PML: variants seen among roughly 807,000 people sequenced by gnomAD.
The protein encoded by PML is PML nuclear body scaffold.
PML carries 28 observed loss-of-function variants against 65.2 expected under a neutral mutation model. That is an observed-to-expected ratio of 0.43 (90% CI 0.32 to 0.59). The LOEUF is 0.59. Among genes scored for constraint, PML ranks in the 20% least tolerant of loss-of-function variants. The pLI is 0.08. For synonymous variants in PML, 500 were observed against 508.8 expected (o/e 0.98, Z 0.23); for missense variants, 1,021 against 1,203.4 (o/e 0.85, Z 2.24).
intron 6 of PML, chr15:74,034,276 A>G (rs2071444234): frequency 3.0e-6 from 2 of 676,380 alleles, no homozygotes; most frequent in South Asian, 3.4e-5. Context: ...GCAAGAAATT[A>G]TGGAAACCCA....
chr15:74,034,637 A>G, intron 7 of PML, 107 bp downstream of exon 7: 1 of 1,611,252 alleles, frequency 6.2e-7, no homozygotes, highest in South Asian at 1.1e-5. Context: ...CGCCTGGGGA[A>G]TTTTCCAGTG....
intron 2 of PML, among the ~76,000 whole-genome samples, chr15:74,010,185 A>ATTTTTTTTTTTTTTTTTTTTTTTTTT (rs536738558): frequency 2.6e-5 from 2 of 77,930 alleles, no homozygotes; most frequent in Non-Finnish European, 4.7e-5. Context: ...TGCCCAGCTA[A>ATTTTTTTTTTTTTTTTTTTTTTTTTT]TTTTTTTTTT....
At position 74,004,002 on chromosome 15, in the gene PML, G is replaced by T. The variant is rs574331821; in HGVS notation, c.602+5526G>T. On this transcript the variant is annotated intron_variant, in intron 2 of 8. Transcript: ENST00000268058. ...TTTCACCTCAGAATATATAAACCTT[G>T]CTTCATAAATTTCTAGTCTCTGGTG... Among the ~76,000 whole-genome samples, 3 of 152,292 alleles carry T rather than the reference G, an allele frequency of 2.0e-5. No individual in the cohort carries two copies. In the South Asian group the frequency reaches 6.2e-4, roughly 32 times the overall value.
chr15:74,002,558 C>G (rs1409176380), intron 2 of PML, among the ~76,000 whole-genome samples: 1 of 149,980 alleles, frequency 6.7e-6, no homozygotes, highest in African/African-American at 2.4e-5. Flanking sequence ...TTTCTCCTGC[C>G]TCAGCCTCCT....
chr15:74,022,206 C>T (rs1460508281), intron 2 of PML, among the ~76,000 whole-genome samples: 2 of 152,226 alleles, frequency 1.3e-5, no homozygotes, highest in Non-Finnish European at 1.5e-5. Flanking sequence ...ATCCTCCCGC[C>T]CCGGCCTCCC....
chr15:74,031,297 CAG>C (rs1425563381), intron 4 of PML: 6 of 441,132 alleles, frequency 1.4e-5, no homozygotes, highest in Non-Finnish European at 2.3e-5. Context: ...GTGTTTGAGA[CAG>C]AGTCTCACTC....
chr15:74,006,390 CAAAAAAAA>C (rs372202858), intron 2 of PML, among the ~76,000 whole-genome samples: 2 of 87,554 alleles, frequency 2.3e-5, no homozygotes, highest in East Asian at 3.3e-4. Flanking sequence ...GACTCCGTCT[CAAAAAAAA>C]AAAAAAAAAA....
In PML at chr15:74,033,210, C is replaced by T; in HGVS notation, c.1453C>T (p.Pro485Ser). 2 of 1,614,158 alleles carry T rather than the reference C, an allele frequency of 1.2e-6. No homozygotes were observed. The highest frequency in any genetic ancestry group is 1.7e-6 in the Non-Finnish European group (2 of 1,180,034). The stretch of plus-strand genomic sequence containing the variant: ...GAGGAAGTGCAGCCAGACCCAGTGC[C>T]CCAGGAAGGTCATCAAGATGGAGTC... ...QKRKCSQTQCPRKVIKMESEE... is the reference protein window; with the variant it reads ...QKRKCSQTQCSRKVIKMESEE... Residue 485 changes from proline (P) to serine (S), a missense_variant, in exon 6 of 9, where the codon CCC becomes TCC. Transcript: ENST00000268058.
intron 1 of PML, among the ~76,000 whole-genome samples, 191 bp downstream of exon 1, chr15:73,995,132 A>G (rs933403738): frequency 3.9e-5 from 6 of 152,188 alleles, no homozygotes. Flanking sequence ...AGAGTAGAAA[A>G]GAGGACACGG....
chr15:74,026,141 A>G lies in PML; in HGVS notation c.1254+1214A>G, dbSNP rs139551006. 625 of 153,172 alleles carry G rather than the reference A, an allele frequency of 4.1e-3. 2 individuals are homozygous for G. Among genetic ancestry groups the G allele is most frequent in the Admixed American group, 6.3e-3 (96 of 15,304 alleles). The allele number at this position is 153,172 out of a possible 1,614,324, so 9.5% of individuals were successfully genotyped here. A position where few individuals can be genotyped will look rare whatever the true frequency, so the allele number is the denominator to read the frequency against. ...AGGCTACACACAGCAAATTAGGGGC[A>G]AGATTAAAAGCTGACTCTGTTTTTT... is the stretch of plus-strand genomic sequence containing the variant. On this transcript the variant is annotated intron_variant, in intron 4 of 8. Coordinates refer to ENST00000268058, the MANE Select transcript of PML (RefSeq NM_033238.3).
At chr15:74,036,970 T>C (rs1595919674) in intron 7 of PML, 1 of 985,350 alleles carries the variant, frequency 1.0e-6, no homozygotes, top group East Asian at 1.1e-4. Flanking sequence ...CACTCCCCAT[T>C]TCATCCCATC....
At position 74,023,198 on chromosome 15, in the gene PML, C is replaced by T. The variant is rs765869727; in HGVS notation, c.973C>T (p.Arg325Cys). The T allele has an allele frequency of 1.2e-6, 2 of 1,608,094 alleles. No individual in the cohort carries two copies. Residue 325 changes from arginine (R) to cysteine (C), a missense_variant, in exon 3 of 9, where the codon CGC (arginine) becomes TGC (cysteine). Transcript: ENST00000268058. ...GGGCCGCCTGGATGCTGTGCTGCAG[C>T]GCATCCGCACGGGCAGCGCGCTGGT... ...RLGRLDAVLQ[R>C]IRTGSALVQR...
chr15:74,029,302 ATGCACACACATAC>A (rs1173642882), intron 4 of PML, among the ~76,000 whole-genome samples: 4 of 152,300 alleles, frequency 2.6e-5, no homozygotes, highest in Non-Finnish European at 5.9e-5. Flanking sequence ...GTATATACAT[ATGCACACACATAC>A]TGTAGCTAAA....
intron 2 of PML, among the ~76,000 whole-genome samples, chr15:74,000,627 C>G (rs1196399624): frequency 6.6e-6 from 1 of 152,176 alleles, no homozygotes; most frequent in African/African-American, 2.4e-5. Context: ...TACTTTAAGT[C>G]ATCTCTAGAT....
Position 74,045,815 on chromosome 15 carries a change from G to A in PML, c.*807G>A, listed in dbSNP as rs1052163984. On this transcript the variant is annotated 3_prime_UTR_variant, in exon 9 of 9. Transcript: ENST00000268058. ...ACTCAGCATGTAGTCCAGGACCTGC[G>A]GCATCAGCATCCCCTGGGAGCTTCT... 12 of 232,224 alleles carry A rather than the reference G, an allele frequency of 5.2e-5. No individual in the cohort carries two copies. Among genetic ancestry groups the A allele is most frequent in the Middle Eastern group, 1.2e-3 (1 of 806 alleles). 14.4% of individuals were successfully genotyped at this position (232,224 alleles called of 1,614,324 possible). A position where few individuals can be genotyped will look rare whatever the true frequency, so the allele number is the denominator to read the frequency against.
In PML at chr15:74,043,405, C is replaced by CA. The variant is rs958194978; in HGVS notation, c.1861+267dup. 7.0e-7 allele frequency: 1 copy of CA among 1,419,828 alleles called. No homozygotes were observed. Among genetic ancestry groups the CA allele is most frequent in the Non-Finnish European group, 9.2e-7 (1 of 1,091,456 alleles). 88.0% of individuals were successfully genotyped at this position (1,419,828 alleles called of 1,614,324 possible). A position where few individuals can be genotyped will look rare whatever the true frequency, so the allele number is the denominator to read the frequency against. The stretch of plus-strand genomic sequence containing the variant: ...GTGCACCTCTGACCAGTTCTTCTCT[C>CA]AGACAGAGAGCCTGGGGAACACACT... On this transcript the variant is annotated intron_variant, in intron 8 of 8. Transcript: ENST00000268058. The surrounding 1 kb of genome is among the most constrained non-coding windows in gnomAD (Gnocchi z 4.3).
rs188723955 is a variant in PML at position 74,036,147 on chromosome 15, G to A, written c.1710+1617G>A. ...CCTGGGTCTTCTCTGGCTGAGAGGG[G>A]AAGGCTAAGGCATGGCTGAGATTCA... On this transcript the variant is annotated intron_variant, in intron 7 of 8. Transcript: ENST00000268058. The A allele has an allele frequency of 4.2e-5, 67 of 1,608,074 alleles. 1 individual carries two copies. The African/African-American group carries it at 8.1e-4, about 20-fold the overall frequency.
At chr15:74,018,464 T>C (rs1055500820) in intron 2 of PML, among the ~76,000 whole-genome samples, 11 of 152,190 alleles carry the variant, frequency 7.2e-5, no homozygotes, top group African/African-American at 2.7e-4. Context: ...GTCTTATCTC[T>C]TAGTAGGTTT....
intron 2 of PML, 25 bp downstream of exon 2, chr15:73,998,501 G>T: frequency 6.3e-7 from 1 of 1,593,276 alleles, no homozygotes. Context: ...ACAGGGTGGG[G>T]TGGTGCATCC....
Sources: gnomAD v4.1 joint callset for allele counts (sites outside exome capture counted in the v4.1 genomes callset) on GRCh38, gnomAD v4.1.1 for gene constraint, Gnocchi (gnomAD v3.1) non-coding constraint, MANE v1.5 for transcripts, NCBI Gene and HGNC (gene_info 2026-07-23, HGNC 2026-07-21) for gene names.